NCAPH: variants seen among roughly 807,000 people sequenced by gnomAD.
The protein encoded by NCAPH is non-SMC condensin I complex subunit H.
A neutral mutation model predicts 85.5 loss-of-function variants in NCAPH; 38 were observed. The ratio of observed to expected loss-of-function variants is 0.44; its 90% confidence interval spans 0.34 to 0.58. The LOEUF (loss-of-function observed/expected upper bound fraction) is 0.58. Among genes scored for constraint, NCAPH ranks in the 20% least tolerant of loss-of-function variants. NCAPH has a pLI of 0.01. For synonymous variants in NCAPH, 301 were observed against 335.1 expected (o/e 0.90, Z 1.11); for missense variants, 789 against 916.6 (o/e 0.86, Z 1.80).
At chr2:96,369,197 T>TCTGTC in intron 16 of NCAPH, 134 bp downstream of exon 16, 1 of 984,532 alleles carries the variant, frequency 1.0e-6, no homozygotes, top group Non-Finnish European at 1.5e-6. Context: ...TGTTGACAGA[T>TCTGTC]AATACAGACC....
intron 15 of NCAPH, 152 bp downstream of exon 15, chr2:96,367,525 G>C (rs1488084061): frequency 1.8e-6 from 1 of 565,668 alleles, no homozygotes; most frequent in Non-Finnish European, 3.2e-6. Context: ...GCTCACACGT[G>C]TAATCCCAGC....
At position 96,359,193 on chromosome 2, in the gene NCAPH, C is replaced by T. The variant is rs1014672646; in HGVS notation, c.1357C>T (p.Gln453Ter). The stretch of plus-strand genomic sequence containing the variant: ...CTGGCGCTTTAGGCCTCGACGCAAA[C>T]GTATGTAATTCTAGGTGGAATTTTA... Reference protein sequence around the residue: ...DHWRFRPRRKQDAPSQSENKK... With the variant: ...DHWRFRPRRK The change falls in exon 10 of 18, where the codon CAA becomes TAA. Residue 453 changes from glutamine to a stop codon, truncating the protein, a stop_gained and splice_region_variant. Transcript: ENST00000240423. LOFTEE classifies it high-confidence loss of function. 3 of 1,613,542 alleles carry T rather than the reference C, an allele frequency of 1.9e-6. No individual in the cohort carries two copies. Among genetic ancestry groups the T allele is most frequent in the Non-Finnish European group, 2.5e-6 (3 of 1,179,832 alleles).
chr2:96,339,100 C>T (rs536415550), intron 1 of NCAPH, among the ~76,000 whole-genome samples: 16 of 152,288 alleles, frequency 1.1e-4, no homozygotes, highest in East Asian at 5.8e-4. Context: ...TGTGAACCAC[C>T]GCGCCCAGCC....
intron 12 of NCAPH, among the ~76,000 whole-genome samples, chr2:96,362,336 G>GA (rs1288130657): frequency 6.6e-6 from 1 of 152,084 alleles, no homozygotes; most frequent in Non-Finnish European, 1.5e-5. Context: ...AGGGGTTCAA[G>GA]ACTTCAGTGG....
chr2:96,369,307 C>T, intron 16 of NCAPH, 118 bp from the exon 17 acceptor site: 1 of 950,144 alleles, frequency 1.1e-6, no homozygotes, highest in South Asian at 1.4e-5. Context: ...TAAAATGCAT[C>T]TGAAAGATTT....
In NCAPH at chr2:96,353,513, T is replaced by C. The variant is rs557791859; in HGVS notation, c.1002+116T>C. On this transcript the variant is annotated intron_variant, in intron 8 of 17. Transcript: ENST00000240423. ...ATTTAGCCAGGAGTACAGAAAATATTTCCTTTGGCACTTCTGTAGGGACAA... is the reference window on the plus strand; with the variant it reads ...ATTTAGCCAGGAGTACAGAAAATATCTCCTTTGGCACTTCTGTAGGGACAA... 16 of 921,688 alleles carry C rather than the reference T, an allele frequency of 1.7e-5. No homozygotes were observed. In the East Asian group the frequency reaches 3.7e-4, roughly 21 times the overall value. 57.1% of individuals were successfully genotyped at this position (921,688 alleles called of 1,614,324 possible). A position where few individuals can be genotyped will look rare whatever the true frequency, so the allele number is the denominator to read the frequency against.
intron 9 of NCAPH, among the ~76,000 whole-genome samples, chr2:96,354,718 T>C (rs2064499697): frequency 6.6e-6 from 1 of 152,208 alleles, no homozygotes; most frequent in Admixed American, 6.5e-5. Flanking sequence ...TCAGCTGAGC[T>C]TTTCAGCTGA....
intron 1 of NCAPH, 171 bp from the exon 2 acceptor site, chr2:96,341,471 T>C (rs948642170): frequency 2.8e-5 from 22 of 789,956 alleles, no homozygotes; most frequent in Non-Finnish European, 3.8e-5. Context: ...GCCTCCCCCC[T>C]GCACCTCCAA....
At chr2:96,363,226 G>A (rs970175541) in intron 12 of NCAPH, among the ~76,000 whole-genome samples, 2 of 152,154 alleles carry the variant, frequency 1.3e-5, no homozygotes, top group Non-Finnish European at 2.9e-5. Flanking sequence ...TATGTAAATT[G>A]TTTTTTAGAC....
chr2:96,360,954 T>G (rs1445851857), intron 12 of NCAPH, among the ~76,000 whole-genome samples: 1 of 152,010 alleles, frequency 6.6e-6, no homozygotes, highest in Non-Finnish European at 1.5e-5. Flanking sequence ...GAAGCCTCCA[T>G]GCTGAAATTC....
Position 96,375,798 on chromosome 2 carries a change from G to T in NCAPH, c.*2447G>T, listed in dbSNP as rs2064825502. Among the ~76,000 whole-genome samples, 1 of 152,152 alleles carries T rather than the reference G, an allele frequency of 6.6e-6. No individual in the cohort carries two copies. Among genetic ancestry groups the T allele is most frequent in the Non-Finnish European group, 1.5e-5 (1 of 68,014 alleles). On this transcript the variant is annotated 3_prime_UTR_variant, in exon 18 of 18. Coordinates refer to ENST00000240423, the MANE Select transcript of NCAPH (RefSeq NM_015341.5). The stretch of plus-strand genomic sequence containing the variant: ...CTCATCCTTCTGTTTCAGTGTGGCT[G>T]CTGGAATCCAGCCATCACATCCATA...
In NCAPH at chr2:96,338,480, G is replaced by T. The variant is rs578238580; in HGVS notation, c.19+2632G>T. ...GCTGAATAACACTTGCCCTAAAGGT[G>T]TCCAGAACCTGTGAATATGTTATCT... On this transcript the variant is annotated intron_variant, in intron 1 of 17. Coordinates refer to ENST00000240423, the MANE Select transcript of NCAPH (RefSeq NM_015341.5). Among the ~76,000 whole-genome samples, 6 of 152,294 alleles carry T rather than the reference G, an allele frequency of 3.9e-5. No individual in the cohort carries two copies. In the East Asian group the frequency reaches 1.2e-3, roughly 29 times the overall value.
At chr2:96,352,165 T>C in intron 7 of NCAPH, 145 bp downstream of exon 7, 1 of 815,104 alleles carries the variant, frequency 1.2e-6, no homozygotes, top group Admixed American at 3.0e-5. Context: ...TTGTGTATCC[T>C]TTTGGGAGTG....
intron 9 of NCAPH, among the ~76,000 whole-genome samples, chr2:96,356,818 G>A (rs1024651698): frequency 2.6e-5 from 4 of 152,202 alleles, no homozygotes; most frequent in Non-Finnish European, 4.4e-5. Flanking sequence ...GTGGGGTGGG[G>A]CAATGCTGAG....
Position 96,353,287 on chromosome 2 carries a change from A to T in NCAPH, c.911-19A>T. On this transcript the variant is annotated intron_variant, in intron 7 of 17. Transcript: ENST00000240423. ...GACCCCCTTCTAATCTCTCTTTGTG[A>T]TCTTGCTATCCTCTCCAGCGCCCTT... 23 of 1,608,372 alleles carry T rather than the reference A, an allele frequency of 1.4e-5. No individual in the cohort carries two copies. The highest frequency in any genetic ancestry group is 1.9e-5 in the Non-Finnish European group (22 of 1,174,952).
Position 96,341,834 on chromosome 2 carries a change from G to A in NCAPH, c.212G>A (p.Arg71Lys). ...EKERLQRRRS[R>K]VFDLQFSTDS... ...GAGCGGCTGCAGCGGAGGCGCTCGA[G>A]GGTCTTTGATCTGCAGTTCAGCACT... is the stretch of plus-strand genomic sequence containing the variant. The change falls in exon 2 of 18, where the codon AGG (arginine) becomes AAG (lysine). Residue 71 changes from arginine (R) to lysine (K), a missense_variant. Transcript: ENST00000240423. The A allele has an allele frequency of 6.2e-7, 1 of 1,613,552 alleles. No homozygotes were observed. The highest frequency in any genetic ancestry group is 8.5e-7 in the Non-Finnish European group (1 of 1,180,022).
At chr2:96,350,567 G>A (rs1398868396) in intron 6 of NCAPH, among the ~76,000 whole-genome samples, 1 of 152,166 alleles carries the variant, frequency 6.6e-6, no homozygotes, top group African/African-American at 2.4e-5. Context: ...GCTGGCTCTG[G>A]GGATGGAAAG....
chr2:96,350,818 T>A (rs2064430453), intron 6 of NCAPH, among the ~76,000 whole-genome samples: 1 of 152,178 alleles, frequency 6.6e-6, no homozygotes, highest in African/African-American at 2.4e-5. Context: ...AGTAGCCACG[T>A]TCTGAGGCAT....
intron 6 of NCAPH, 50 bp downstream of exon 6, chr2:96,344,279 G>T: frequency 6.5e-7 from 1 of 1,545,914 alleles, no homozygotes; most frequent in South Asian, 1.3e-5. Context: ...AGAACCTTAG[G>T]GGCTGAGACT....
Sources: allele counts gnomAD v4.1 joint callset (sites outside exome capture counted in the v4.1 genomes callset), GRCh38; gene constraint gnomAD v4.1.1; transcripts MANE v1.5; gene names NCBI Gene and HGNC (gene_info 2026-07-23, HGNC 2026-07-21).